The following GTF2IRD1 variants were observed in gnomAD, a reference collection of about 807,000 sequenced individuals.
The protein encoded by GTF2IRD1 is GTF2I repeat domain containing 1.
Under a neutral mutation model 113.2 loss-of-function variants are expected in GTF2IRD1, and 26 were observed. That is an observed-to-expected ratio of 0.23 (90% confidence interval 0.17 to 0.32). GTF2IRD1 has a LOEUF of 0.32. GTF2IRD1 is among the 10% of genes least tolerant of loss of function. The pLI is 1.00. For missense variants in GTF2IRD1, 864 were observed against 1,280.8 expected (o/e 0.67, Z 4.97); for synonymous variants, 484 against 529.1 (o/e 0.91, Z 1.17).
At chr7:74,591,220 T>G (rs1802041441) in intron 24 of GTF2IRD1, among the ~76,000 whole-genome samples, 1 of 152,038 alleles carries the variant, frequency 6.6e-6, no homozygotes, top group Non-Finnish European at 1.5e-5. Flanking sequence ...ACATTTGTTC[T>G]CTGGGGAAAA....
At chr7:74,497,242 G>A (rs1475632791) in intron 1 of GTF2IRD1, among the ~76,000 whole-genome samples, 1 of 152,120 alleles carries the variant, frequency 6.6e-6, no homozygotes, top group Admixed American at 6.5e-5. Flanking sequence ...CCAAATCATT[G>A]AAAACAGGTT....
At chr7:74,578,353 T>A (rs191908693) in intron 22 of GTF2IRD1, among the ~76,000 whole-genome samples, 101 of 150,368 alleles carry the variant, frequency 6.7e-4, no homozygotes, top group Middle Eastern at 6.9e-3. Flanking sequence ...GCCCAGCTAA[T>A]TTTTTGTAGA....
At chr7:74,594,272 G>A (rs1189514775) in intron 24 of GTF2IRD1, among the ~76,000 whole-genome samples, 1 of 151,358 alleles carries the variant, frequency 6.6e-6, no homozygotes, top group Non-Finnish European at 1.5e-5. Flanking sequence ...CCCAGCTACT[G>A]GGAAGGCTGA....
At position 74,518,403 on chromosome 7, in the gene GTF2IRD1, C is replaced by A. The variant is rs1229968212; in HGVS notation, c.605+81C>A. 6 of 1,179,030 alleles carry A rather than the reference C, an allele frequency of 5.1e-6. No individual in the cohort carries two copies. In the Admixed American group the frequency reaches 1.3e-4, roughly 26 times the overall value. 73.0% of individuals were successfully genotyped at this position (1,179,030 alleles called of 1,614,324 possible). On this transcript the variant is annotated intron_variant, in intron 5 of 26. Coordinates refer to ENST00000424337, the MANE Select transcript of GTF2IRD1 (RefSeq NM_005685.4). ...GGCCGGGGGCTGGAGGCCACTTAGC[C>A]AGAGGGGAAGGGACTTGAGATGCCC... is the stretch of plus-strand genomic sequence containing the variant.
At chr7:74,591,293 T>G (rs1360984335) in intron 24 of GTF2IRD1, among the ~76,000 whole-genome samples, 2 of 151,476 alleles carry the variant, frequency 1.3e-5, no homozygotes, top group African/African-American at 2.4e-5. Flanking sequence ...TTTTAACATT[T>G]AAATATAAAT....
chr7:74,475,700 G>T (rs1794360683), intron 1 of GTF2IRD1, among the ~76,000 whole-genome samples: 1 of 152,252 alleles, frequency 6.6e-6, no homozygotes, highest in African/African-American at 2.4e-5. Context: ...GGTGAGGGCA[G>T]AAGTGGAAGT....
intron 22 of GTF2IRD1, among the ~76,000 whole-genome samples, chr7:74,574,822 T>C (rs924289355): frequency 2.0e-5 from 3 of 149,862 alleles, no homozygotes; most frequent in Non-Finnish European, 4.4e-5. Context: ...AGTGCAGTGG[T>C]TCACGTCTGT....
At chr7:74,576,060 C>T (rs1801038575) in intron 22 of GTF2IRD1, among the ~76,000 whole-genome samples, 1 of 151,768 alleles carries the variant, frequency 6.6e-6, no homozygotes, top group Non-Finnish European at 1.5e-5. Flanking sequence ...ACTAGGGAGG[C>T]TGAGGTGGGA....
intron 2 of GTF2IRD1, among the ~76,000 whole-genome samples, chr7:74,509,481 CG>C (rs1796497372): frequency 6.6e-6 from 1 of 150,520 alleles, no homozygotes; most frequent in South Asian, 2.1e-4. Context: ...TGCAGCGAAC[CG>C]AGATCGTGCC....
At chr7:74,599,762 A>G (rs1330324663) in intron 25 of GTF2IRD1, among the ~76,000 whole-genome samples, 3 of 152,132 alleles carry the variant, frequency 2.0e-5, no homozygotes, top group African/African-American at 7.2e-5. Flanking sequence ...ACCTCAGTCA[A>G]TCCACCCACC....
intron 1 of GTF2IRD1, among the ~76,000 whole-genome samples, chr7:74,464,106 G>A (rs1793564350): frequency 6.6e-6 from 1 of 152,204 alleles, no homozygotes; most frequent in Non-Finnish European, 1.5e-5. Flanking sequence ...ACTGCTGCCT[G>A]AGGTCAGCCC....
intron 7 of GTF2IRD1, among the ~76,000 whole-genome samples, chr7:74,521,716 C>T (rs147609187): frequency 0.022 from 3,388 of 152,112 alleles, 81 homozygotes; most frequent in East Asian, 0.077. Flanking sequence ...GAGCTGTGAT[C>T]GCACCACTGC....
rs367716227 is a variant in GTF2IRD1, at chr7:74,508,215, C to T, written c.123+12C>T. 7.2e-5 allele frequency: 116 copies of T among 1,609,488 alleles called. No homozygotes were observed. Among genetic ancestry groups the T allele is most frequent in the Middle Eastern group, 1.6e-4 (1 of 6,062 alleles). ...CCTTAGACTCCATGGTGAGTGTCCCCACCCACCCAAGAGGAGGGGACAGGG... is the reference window on the plus strand; with the variant it reads ...CCTTAGACTCCATGGTGAGTGTCCCTACCCACCCAAGAGGAGGGGACAGGG... On this transcript the variant is annotated intron_variant, in intron 2 of 26. Coordinates refer to ENST00000424337, the MANE Select transcript of GTF2IRD1 (RefSeq NM_005685.4).
chr7:74,546,197 T>C (rs1429409556), intron 16 of GTF2IRD1, among the ~76,000 whole-genome samples: 1 of 150,924 alleles, frequency 6.6e-6, no homozygotes, highest in Non-Finnish European at 1.5e-5. Flanking sequence ...GGCATGAGGC[T>C]AGGTGATTCC....
Position 74,602,512 on chromosome 7 carries a change from G to A in GTF2IRD1, c.*79G>A, listed in dbSNP as rs1802817076. On this transcript the variant is annotated 3_prime_UTR_variant, in exon 27 of 27. Transcript: ENST00000424337. ...ATGTACAAAATGTATATTCGGATAT[G>A]TATCGATGCCTTTTAGTTTTTCCAA... 3 of 1,187,048 alleles carry A rather than the reference G, an allele frequency of 2.5e-6. No homozygotes were observed. The highest frequency in any genetic ancestry group is 3.7e-6 in the Non-Finnish European group (3 of 806,302). 73.5% of individuals were successfully genotyped at this position (1,187,048 alleles called of 1,614,324 possible).
At chr7:74,568,583 A>G (rs1199499759) in intron 22 of GTF2IRD1, among the ~76,000 whole-genome samples, 3 of 151,968 alleles carry the variant, frequency 2.0e-5, no homozygotes, top group South Asian at 2.1e-4. Flanking sequence ...GGGAGGCGGA[A>G]CTTGCAGTGA....
In GTF2IRD1 at chr7:74,536,224, C is replaced by T. The variant is rs1554350137; in HGVS notation, c.1358C>T (p.Thr453Ile). Reference protein sequence around the residue: ...KLEPASPPEDTSAEVSRATVL... With the variant: ...KLEPASPPEDISAEVSRATVL... ...GAGCCAGCCAGCCCGCCAGAGGACA[C>T]CTCTGCAGAGGTCTCTAGGGCCACC... Residue 453 changes from threonine (T) to isoleucine (I), a missense_variant, in exon 11 of 27, where the codon ACC becomes ATC. Thr to Ile is a moderately conservative substitution (Grantham distance 89). This residue lies in a region of GTF2IRD1 where 218 missense variants were observed against 352.6 expected (regional missense o/e 0.62). Coordinates refer to ENST00000424337, the MANE Select transcript of GTF2IRD1 (RefSeq NM_005685.4). 1 of 1,613,718 alleles carries T rather than the reference C, an allele frequency of 6.2e-7. No homozygotes were observed. The highest frequency in any genetic ancestry group is 8.5e-7 in the Non-Finnish European group (1 of 1,179,656).
At chr7:74,537,819 C>A (rs1469345229) in intron 11 of GTF2IRD1, among the ~76,000 whole-genome samples, 5 of 152,210 alleles carry the variant, frequency 3.3e-5, no homozygotes, top group Admixed American at 1.3e-4. Flanking sequence ...GATCAAACCC[C>A]CAGTGTGCCA....
intron 1 of GTF2IRD1, among the ~76,000 whole-genome samples, chr7:74,471,267 G>GGCTCAT (rs1346631520): frequency 8.5e-5 from 13 of 152,194 alleles, no homozygotes; most frequent in African/African-American, 3.1e-4. Context: ...TATGGCCAGA[G>GGCTCAT]GCTCATGCCT....
Sources: gnomAD v4.1 joint callset for allele counts (sites outside exome capture counted in the v4.1 genomes callset) on GRCh38, gnomAD v4.1.1 for gene constraint, gnomAD v4.1.1 regional missense constraint, MANE v1.5 for transcripts, NCBI Gene and HGNC (gene_info 2026-07-23, HGNC 2026-07-21) for gene names.